VPS54: variants seen among roughly 807,000 people sequenced by gnomAD.
VPS54 encodes the protein VPS54 subunit of GARP complex.
Under a neutral mutation model 121.5 loss-of-function variants are expected in VPS54, and 45 were observed. The observed-to-expected ratio is 0.37, with a 90% CI of 0.29 to 0.47. The LOEUF is 0.47. VPS54 is among the 20% of genes least tolerant of loss of function. The pLI is 0.99. For missense variants in VPS54, 1,090 were observed against 1,131.4 expected (o/e 0.96, Z 0.52); for synonymous variants, 371 against 385.8 (o/e 0.96, Z 0.45).
chr2:63,896,327 T>G (rs1031044835), intron 22 of VPS54, among the ~76,000 whole-genome samples: 4 of 152,146 alleles, frequency 2.6e-5, no homozygotes, highest in African/African-American at 9.7e-5. Flanking sequence ...ACTTTTTTGG[T>G]TGTTTGTCAA....
At position 63,962,439 on chromosome 2, in the gene VPS54, C is replaced by T. The variant is rs140986441; in HGVS notation, c.629G>A (p.Ser210Asn). 3 of 1,607,408 alleles carry T rather than the reference C, an allele frequency of 1.9e-6. No individual in the cohort carries two copies. Among genetic ancestry groups the T allele is most frequent in the African/African-American group, 1.3e-5 (1 of 74,616 alleles). The change falls in exon 7 of 23, where the codon AGC becomes AAC. Residue 210 changes from serine (S) to asparagine (N), a missense_variant. Around this residue, in one of 2 missense-constraint regions of VPS54, gnomAD observed 801 missense variants for 757.0 expected, o/e 1.06. Transcript: ENST00000272322. ...ASSKLLQEKL[S>N]HYLDIVEVNI... ...TACTTCCACAATATCCAGATAATGG[C>T]TCAGCTTAAAAGAGAAGGAAAAAAA...
chr2:63,894,530 C>T (rs899817061), intron 22 of VPS54, among the ~76,000 whole-genome samples: 1 of 151,602 alleles, frequency 6.6e-6, no homozygotes, highest in African/African-American at 2.4e-5. Flanking sequence ...AGTGAGACCT[C>T]GTCTCTACAA....
At chr2:63,962,540 C>T (rs1675817679) in intron 6 of VPS54, 97 bp from the exon 7 acceptor site, 1 of 1,363,534 alleles carries the variant, frequency 7.3e-7, no homozygotes, top group African/African-American at 1.5e-5. Context: ...TCTACATATA[C>T]TTTAAATTCC....
intron 1 of VPS54, among the ~76,000 whole-genome samples, chr2:64,007,302 G>C (rs150114763): frequency 6.6e-6 from 1 of 152,312 alleles, no homozygotes; most frequent in East Asian, 1.9e-4. Context: ...GACAGACGAG[G>C]AGGTGGTAGG....
intron 11 of VPS54, among the ~76,000 whole-genome samples, chr2:63,938,209 T>C (rs1437282914): frequency 6.6e-6 from 1 of 152,008 alleles, no homozygotes; most frequent in East Asian, 1.9e-4. Flanking sequence ...CAAGCGATTC[T>C]CCTGCCTCAG....
At chr2:63,960,549 GT>G (rs1675709036) in intron 7 of VPS54, among the ~76,000 whole-genome samples, 1 of 152,132 alleles carries the variant, frequency 6.6e-6, no homozygotes, top group Admixed American at 6.5e-5. Context: ...GAGAATTTGT[GT>G]TTGCCAAGGC....
intron 1 of VPS54, among the ~76,000 whole-genome samples, chr2:63,998,653 C>T (rs1677723920): frequency 6.6e-6 from 1 of 152,014 alleles, no homozygotes; most frequent in Non-Finnish European, 1.5e-5. Context: ...ATTAACACTG[C>T]TTGTATAAAT....
intron 7 of VPS54, 83 bp downstream of exon 7, chr2:63,961,975 T>C: frequency 7.4e-7 from 1 of 1,359,866 alleles, no homozygotes; most frequent in Non-Finnish European, 9.8e-7. Context: ...TTTGAATATA[T>C]TCACACTTTT....
intron 1 of VPS54, among the ~76,000 whole-genome samples, chr2:64,000,006 A>T (rs148751590): frequency 1.3e-5 from 2 of 152,086 alleles, no homozygotes; most frequent in East Asian, 3.9e-4. Context: ...GATTACAGGG[A>T]TGTGCCACCT....
chr2:64,006,009 G>C (rs946740732), intron 1 of VPS54, among the ~76,000 whole-genome samples: 2 of 152,016 alleles, frequency 1.3e-5, no homozygotes, highest in African/African-American at 4.8e-5. Context: ...AAAATGGCTT[G>C]GATACTCAGT....
intron 20 of VPS54, among the ~76,000 whole-genome samples, chr2:63,902,922 C>T (rs1017958267): frequency 6.6e-6 from 1 of 152,150 alleles, no homozygotes; most frequent in Non-Finnish European, 1.5e-5. Context: ...GAGCTGAGAT[C>T]ATGCAACTGT....
intron 12 of VPS54, among the ~76,000 whole-genome samples, chr2:63,926,619 T>C (rs1008723927): frequency 6.6e-6 from 1 of 152,084 alleles, no homozygotes; most frequent in African/African-American, 2.4e-5. Flanking sequence ...ACCTGGTTCA[T>C]CTCATTGGGA....
In VPS54 at chr2:63,901,939, C is replaced by T. The variant is rs111544571; in HGVS notation, c.2626-2358G>A. Among the ~76,000 whole-genome samples, 186 of 152,212 alleles carry T rather than the reference C, an allele frequency of 1.2e-3. 1 individual carries two copies. The highest frequency in any genetic ancestry group is 3.9e-3 in the South Asian group (19 of 4,818). ...CTGAGGCAGCAGAATTGCTTGAACC[C>T]GGGAGGCAGAAGTTGCAGTGAGCTG... On this transcript the variant is annotated intron_variant, in intron 20 of 22. Coordinates refer to ENST00000272322, the MANE Select transcript of VPS54 (RefSeq NM_016516.3).
chr2:63,963,538 A>T (rs1314517214), intron 6 of VPS54, among the ~76,000 whole-genome samples: 2 of 152,156 alleles, frequency 1.3e-5, no homozygotes, highest in Non-Finnish European at 2.9e-5. Context: ...TTTAGGTCTC[A>T]TAAGATTAGA....
intron 2 of VPS54, among the ~76,000 whole-genome samples, chr2:63,982,539 A>C (rs182547494): frequency 2.0e-5 from 3 of 152,350 alleles, no homozygotes; most frequent in Admixed American, 1.3e-4. Flanking sequence ...ATCAATACAT[A>C]ACCTTGTTTT....
At chr2:63,914,424 T>A in intron 16 of VPS54, 137 bp from the exon 17 acceptor site, 1 of 646,066 alleles carries the variant, frequency 1.5e-6, no homozygotes, top group Non-Finnish European at 2.7e-6. Flanking sequence ...TGTTAAAGTA[T>A]GCATTTTACC....
intron 1 of VPS54, among the ~76,000 whole-genome samples, chr2:63,990,340 G>T (rs1168146141): frequency 6.6e-6 from 1 of 152,064 alleles, no homozygotes; most frequent in East Asian, 1.9e-4. Flanking sequence ...GACTCAGACA[G>T]CCCGGGACCA....
chr2:63,953,476 T>G (rs143840616), intron 7 of VPS54, among the ~76,000 whole-genome samples: 28 of 152,280 alleles, frequency 1.8e-4, no homozygotes, highest in African/African-American at 6.7e-4. Flanking sequence ...ATATATCTGT[T>G]TATGTACTAT....
At chr2:63,987,520 G>T (rs1255702592) in intron 1 of VPS54, among the ~76,000 whole-genome samples, 1 of 152,092 alleles carries the variant, frequency 6.6e-6, no homozygotes, top group Non-Finnish European at 1.5e-5. Context: ...GTCTTTTGTG[G>T]TTCTATATAA....
Sources: gnomAD v4.1 joint callset for allele counts (sites outside exome capture counted in the v4.1 genomes callset) on GRCh38, gnomAD v4.1.1 for gene constraint, gnomAD v4.1.1 regional missense constraint, MANE v1.5 for transcripts, NCBI Gene and HGNC (gene_info 2026-07-23, HGNC 2026-07-21) for gene names.